The following PELI2 variants were observed in gnomAD, a reference collection of about 807,000 sequenced individuals.
The protein encoded by PELI2 is E3 ubiquitin-protein ligase pellino homolog 2.
In PELI2, 23 loss-of-function variants were observed where a neutral mutation model predicts 42.3. That is an observed-to-expected ratio of 0.54 (90% CI 0.39 to 0.77). PELI2 has a LOEUF of 0.77. Ranked by LOEUF, PELI2 falls within the 30% of genes least tolerant of loss-of-function variation. PELI2 has a pLI of 0.00. For synonymous variants in PELI2, 245 were observed against 212.2 expected, an observed-to-expected ratio of 1.15 and a Z score of -1.34; for missense variants, 463 against 553.2, an observed-to-expected ratio of 0.84 and a Z score of 1.64.
intron 1 of PELI2, among the ~76,000 whole-genome samples, chr14:56,170,336 A>G (rs1261311187): frequency 6.6e-6 from 1 of 152,210 alleles, no homozygotes; most frequent in African/African-American, 2.4e-5. Context: ...CGTCTCCAAA[A>G]TGTGACTGGG....
At chr14:56,165,414 G>A (rs1884919046) in intron 1 of PELI2, among the ~76,000 whole-genome samples, 1 of 152,066 alleles carries the variant, frequency 6.6e-6, no homozygotes, top group Non-Finnish European at 1.5e-5. Flanking sequence ...TTTTTTGAAT[G>A]TTTTAAGACT....
chr14:56,248,538 G>A (rs1334760005), intron 2 of PELI2, among the ~76,000 whole-genome samples: 1 of 152,238 alleles, frequency 6.6e-6, no homozygotes, highest in East Asian at 1.9e-4. Flanking sequence ...CTGGCAGGGA[G>A]CCTTGGTGGA....
chr14:56,129,084 TGAAAG>T (rs964299508), intron 1 of PELI2, among the ~76,000 whole-genome samples: 6 of 151,932 alleles, frequency 3.9e-5, no homozygotes, highest in African/African-American at 1.5e-4. Context: ...GAGAGAGACT[TGAAAG>T]GAAGGACCTG....
intron 1 of PELI2, chr14:56,119,075 C>T (rs1279170697): frequency 6.6e-6 from 1 of 151,796 alleles, no homozygotes; most frequent in Non-Finnish European, 1.5e-5. Context: ...TCCCGCGCGC[C>T]GCGTCCGGGC....
intron 2 of PELI2, among the ~76,000 whole-genome samples, chr14:56,188,365 G>C (rs958707216): frequency 1.3e-5 from 2 of 152,070 alleles, no homozygotes; most frequent in Non-Finnish European, 2.9e-5. Flanking sequence ...GATAGTTTAT[G>C]TATCAGGTGT....
chr14:56,225,217 C>A (rs896571558), intron 2 of PELI2, among the ~76,000 whole-genome samples: 7 of 152,122 alleles, frequency 4.6e-5, no homozygotes, highest in African/African-American at 1.4e-4. Flanking sequence ...GCTGTGTGAA[C>A]TTTGGACTTC....
At chr14:56,259,958 TAAAG>T (rs1367530607) in intron 2 of PELI2, among the ~76,000 whole-genome samples, 1 of 152,140 alleles carries the variant, frequency 6.6e-6, no homozygotes. Context: ...ATTGTTGAGA[TAAAG>T]AAGACCTAAA....
chr14:56,268,452 C>T (rs1282881342), intron 2 of PELI2, among the ~76,000 whole-genome samples: 1 of 152,172 alleles, frequency 6.6e-6, no homozygotes, highest in Non-Finnish European at 1.5e-5. Context: ...AACTCCTCTT[C>T]TTACAGGAGA....
At chr14:56,157,858 A>G (rs1391198505) in intron 1 of PELI2, among the ~76,000 whole-genome samples, 2 of 152,236 alleles carry the variant, frequency 1.3e-5, no homozygotes, top group African/African-American at 2.4e-5. Context: ...GTAGTTAGGT[A>G]TGATACAGAG....
At chr14:56,233,741 C>A (rs186055994) in intron 2 of PELI2, among the ~76,000 whole-genome samples, 228 of 152,232 alleles carry the variant, frequency 1.5e-3, no homozygotes, top group African/African-American at 5.3e-3. Context: ...CAACAAAAGG[C>A]AAAATTGACA....
At chr14:56,154,597 C>G (rs952731521) in intron 1 of PELI2, among the ~76,000 whole-genome samples, 1 of 152,204 alleles carries the variant, frequency 6.6e-6, no homozygotes, top group Non-Finnish European at 1.5e-5. Flanking sequence ...TCAGTTAAAC[C>G]TTTTTCCCTT....
chr14:56,122,774 T>C (rs768446600), intron 1 of PELI2, among the ~76,000 whole-genome samples: 9 of 152,230 alleles, frequency 5.9e-5, no homozygotes, highest in Admixed American at 1.3e-4. Flanking sequence ...CATTCACTTA[T>C]GAGTGTAGGC....
At chr14:56,211,841 T>G (rs1886724242) in intron 2 of PELI2, among the ~76,000 whole-genome samples, 1 of 152,098 alleles carries the variant, frequency 6.6e-6, no homozygotes, top group African/African-American at 2.4e-5. Flanking sequence ...GCAATCCATC[T>G]CTTCTTTTTT....
intron 2 of PELI2, among the ~76,000 whole-genome samples, chr14:56,247,665 A>G (rs1404535947): frequency 1.3e-5 from 2 of 152,250 alleles, no homozygotes; most frequent in African/African-American, 2.4e-5. Flanking sequence ...AACACAAGAC[A>G]GAATTCTGTA....
At chr14:56,259,754 C>T in intron 2 of PELI2, among the ~76,000 whole-genome samples, 1 of 152,034 alleles carries the variant, frequency 6.6e-6, no homozygotes. Flanking sequence ...AAACGAGAAG[C>T]TATTCACACT....
At chr14:56,196,957 T>A (rs1306941233) in intron 2 of PELI2, among the ~76,000 whole-genome samples, 1 of 152,220 alleles carries the variant, frequency 6.6e-6, no homozygotes, top group African/African-American at 2.4e-5. Context: ...GAAGTGCTTA[T>A]CTATCTCAAG....
At chr14:56,245,292 A>G (rs1888111403) in intron 2 of PELI2, among the ~76,000 whole-genome samples, 1 of 152,166 alleles carries the variant, frequency 6.6e-6, no homozygotes, top group South Asian at 2.1e-4. Context: ...ATGAAAATAT[A>G]TTAATTAATT....
chr14:56,128,356 G>A (rs1041976793), intron 1 of PELI2, among the ~76,000 whole-genome samples: 1 of 152,220 alleles, frequency 6.6e-6, no homozygotes, highest in African/African-American at 2.4e-5. Flanking sequence ...GGTTCCGTTA[G>A]GTGGTTTACA....
intron 1 of PELI2, among the ~76,000 whole-genome samples, chr14:56,127,213 C>T (rs1883302722): frequency 1.3e-5 from 2 of 152,160 alleles, no homozygotes; most frequent in Admixed American, 6.5e-5. Flanking sequence ...AACCATGCTT[C>T]TGGCAGACTG....
Sources: gnomAD v4.1 joint callset for allele counts (sites outside exome capture counted in the v4.1 genomes callset) on GRCh38, gnomAD v4.1.1 for gene constraint, MANE v1.5 for transcripts, NCBI Gene and HGNC (gene_info 2026-07-23, HGNC 2026-07-21) for gene names.